Variants in MBD2 observed in about 807,000 individuals in gnomAD.
MBD2 encodes the protein methyl-CpG binding domain protein 2.
Under a neutral mutation model 39.3 loss-of-function variants are expected in MBD2, and 9 were observed. The ratio of observed to expected loss-of-function variants is 0.23; its 90% CI spans 0.14 to 0.40. The LOEUF is 0.40. Ranked by LOEUF, MBD2 falls within the 10% of genes least tolerant of loss-of-function variation. The probability of loss-of-function intolerance (pLI) is 1.00; values close to 1 mark genes in which losing one functional copy is unlikely to be tolerated. For synonymous variants in MBD2, 233 were observed against 211.1 expected (o/e 1.10, Z -0.90); for missense variants, 458 against 532.6 (o/e 0.86, Z 1.38).
intron 3 of MBD2, among the ~76,000 whole-genome samples, chr18:54,180,856 G>A (rs1230777330): frequency 6.7e-6 from 1 of 148,856 alleles, no homozygotes; most frequent in Non-Finnish European, 1.5e-5. Flanking sequence ...CACAATTATT[G>A]GTAACTATGA....
intron 2 of MBD2, chr18:54,202,696 T>A: frequency 8.6e-7 from 1 of 1,165,454 alleles, no homozygotes; most frequent in Non-Finnish European, 1.1e-6. Flanking sequence ...ACGGTATAAT[T>A]TATTTATTTA....
At chr18:54,165,212 G>T (rs2086122788) in intron 4 of MBD2, among the ~76,000 whole-genome samples, 1 of 152,110 alleles carries the variant, frequency 6.6e-6, no homozygotes, top group Non-Finnish European at 1.5e-5. Flanking sequence ...AGGATTCAAA[G>T]AAAAAGCCAA....
At chr18:54,174,045 A>C (rs530160800) in intron 3 of MBD2, among the ~76,000 whole-genome samples, 1 of 152,342 alleles carries the variant, frequency 6.6e-6, no homozygotes, top group East Asian at 1.9e-4. Flanking sequence ...GCAATGAATC[A>C]AAAAAGGCAA....
At chr18:54,217,830 T>TG in intron 1 of MBD2, among the ~76,000 whole-genome samples, 1 of 152,336 alleles carries the variant, frequency 6.6e-6, no homozygotes, top group South Asian at 2.1e-4. Flanking sequence ...TTGTGGGTGT[T>TG]GCGGCAGGTG....
At chr18:54,183,221 A>G (rs113374463) in intron 3 of MBD2, among the ~76,000 whole-genome samples, 4,435 of 152,330 alleles carry the variant, frequency 0.029, 212 homozygotes, top group African/African-American at 0.099. Context: ...ACAGGTGCTG[A>G]TGAGACTTCC....
intron 2 of MBD2, among the ~76,000 whole-genome samples, chr18:54,196,072 T>C (rs1426332631): frequency 1.3e-5 from 2 of 152,224 alleles, no homozygotes; most frequent in African/African-American, 4.8e-5. Flanking sequence ...ATAATTCACA[T>C]ACCACAAAAC....
At chr18:54,188,107 A>C (rs1310200427) in intron 3 of MBD2, among the ~76,000 whole-genome samples, 1 of 152,110 alleles carries the variant, frequency 6.6e-6, no homozygotes, top group East Asian at 1.9e-4. Flanking sequence ...AAAGGAGAGA[A>C]AAAAAAACGC....
At chr18:54,189,475 GC>G in intron 2 of MBD2, among the ~76,000 whole-genome samples, 1 of 152,150 alleles carries the variant, frequency 6.6e-6, no homozygotes, top group Non-Finnish European at 1.5e-5. Context: ...ACCCGCCTCG[GC>G]CTCCCAAAGT....
At chr18:54,164,291 G>A (rs2086115348) in intron 5 of MBD2, among the ~76,000 whole-genome samples, 1 of 152,132 alleles carries the variant, frequency 6.6e-6, no homozygotes, top group Admixed American at 6.5e-5. Context: ...CTTTGGACAG[G>A]ACCATGACGA....
At chr18:54,181,571 C>T (rs950590817) in intron 3 of MBD2, among the ~76,000 whole-genome samples, 13 of 152,126 alleles carry the variant, frequency 8.5e-5, no homozygotes, top group African/African-American at 3.1e-4. Context: ...GCGATCTCGG[C>T]TCACTACAAC....
Position 54,224,095 on chromosome 18 carries a change from GA to G in MBD2, c.464del (p.Leu155ProfsTer10). ...ESGKRMDCPALPPGWKKEEVI... is the reference protein window; with the variant it reads ...ESGKRMDCPAXPPGWKKEEVI... ...CTTCCTCCTTCTTCCATCCGGGGGG[GA>G]GGGCCGGGCAATCCATCCTCTTCCC... On this transcript the variant is annotated frameshift_variant, in exon 1 of 7. Transcript: ENST00000256429. LOFTEE classifies it high-confidence loss of function. The G allele has an allele frequency of 1.3e-6, 2 of 1,594,642 alleles. No homozygotes were observed. The highest frequency in any genetic ancestry group is 8.5e-7 in the Non-Finnish European group (1 of 1,174,252).
chr18:54,154,833 A>G lies in MBD2; in HGVS notation c.*491T>C, dbSNP rs1448635962. ...GTGCTTTTCAACAGAAAGAATTCCA[A>G]TCAGTCTGTGAATATAATCATTTAT... is the stretch of plus-strand genomic sequence containing the variant. On this transcript the variant is annotated 3_prime_UTR_variant, in exon 7 of 7. Coordinates refer to ENST00000256429, the MANE Select transcript of MBD2 (RefSeq NM_003927.5). 2.0e-5 allele frequency: 3 copies of G among 152,680 alleles called. No homozygotes were observed. Among genetic ancestry groups the G allele is most frequent in the Non-Finnish European group, 4.4e-5 (3 of 68,040 alleles). 9.5% of individuals were successfully genotyped at this position (152,680 alleles called of 1,614,324 possible).
In MBD2 at chr18:54,153,070, A is replaced by G. The variant is rs140583776; in HGVS notation, c.*2254T>C. 1 of 152,454 alleles carries G rather than the reference A, an allele frequency of 6.6e-6. No individual in the cohort carries two copies. The highest frequency in any genetic ancestry group is 1.9e-4 in the East Asian group (1 of 5,176). The allele number at this position is 152,454 out of a possible 1,614,324, so 9.4% of individuals were successfully genotyped here. On this transcript the variant is annotated 3_prime_UTR_variant, in exon 7 of 7. Transcript: ENST00000256429. ...AGGGATGGAGAGAGGGAAGGGGAAG[A>G]AAGTGGACAGGTGAGCAAAAAAGGA... is the stretch of plus-strand genomic sequence containing the variant.
Position 54,172,854 on chromosome 18 carries a change from G to A in MBD2, c.841-6688C>T, listed in dbSNP as rs565650433. Among the ~76,000 whole-genome samples, 2 of 152,162 alleles carry A rather than the reference G, an allele frequency of 1.3e-5. 1 individual carries two copies. Among genetic ancestry groups the A allele is most frequent in the African/African-American group, 4.8e-5 (2 of 41,506 alleles). On this transcript the variant is annotated intron_variant, in intron 3 of 6. Transcript: ENST00000256429. ...CTAAATATCGGTTTCATACTATATC[G>A]AATGGGACAATATAAGCAATCTCAA...
At chr18:54,204,163 CT>C (rs767805365) in intron 2 of MBD2, among the ~76,000 whole-genome samples, 14 of 152,202 alleles carry the variant, frequency 9.2e-5, no homozygotes, top group Non-Finnish European at 1.6e-4. Flanking sequence ...AAGAGAGCCC[CT>C]ACTTCTCCCT....
In MBD2 at chr18:54,180,897, C is replaced by CTTTTTTTTTTTT. The variant is rs1211071727; in HGVS notation, c.840+7976_840+7977insAAAAAAAAAAAA. 1.7e-3 allele frequency among the ~76,000 whole-genome samples: 175 copies of CTTTTTTTTTTTT among 105,368 alleles called. 12 individuals carry two copies. The highest frequency in any genetic ancestry group is 3.0e-3 in the South Asian group (10 of 3,322). The allele number at this position is 105,368 out of a possible 152,430, so 69.1% of individuals were successfully genotyped here. ...CAGCCTATGTATTCCTTAATTTTTT[C>CTTTTTTTTTTTT]TTTTTCTTTTTTTTTTTTTTTTTTT... On this transcript the variant is annotated intron_variant, in intron 3 of 6. Coordinates refer to ENST00000256429, the MANE Select transcript of MBD2 (RefSeq NM_003927.5).
Position 54,167,686 on chromosome 18 carries a change from G to A in MBD2, c.841-1520C>T, listed in dbSNP as rs564553914. ...ATGCTGAATTTGTAATAAGCACAAC[G>A]CTAGCACCAAGGAAGGCCTTTGGTA... On this transcript the variant is annotated intron_variant, in intron 3 of 6. Transcript: ENST00000256429. Among the ~76,000 whole-genome samples, 24 of 152,216 alleles carry A rather than the reference G, an allele frequency of 1.6e-4. No homozygotes were observed. In the South Asian group the frequency reaches 5.0e-3, roughly 32 times the overall value.
Position 54,159,856 on chromosome 18 carries a change from G to A in MBD2, c.1157C>T (p.Ala386Val). 1 of 1,612,812 alleles carries A rather than the reference G, an allele frequency of 6.2e-7. No homozygotes were observed. The change falls in exon 6 of 7, where the codon GCA (alanine) becomes GTA (valine). Residue 386 changes from alanine to valine, a missense_variant. Ala to Val is a moderately conservative substitution (Grantham distance 64, BLOSUM62 0). Coordinates refer to ENST00000256429, the MANE Select transcript of MBD2 (RefSeq NM_003927.5). ...TCGCGACAAGATGTCTGCCATCAGT[G>A]CTTCTTCCAATTTCTTGCGTACTTG... ...VQQVRKKLEE[A>V]LMADILSRAA...
At position 54,153,843 on chromosome 18, in the gene MBD2, A is replaced by G. The variant is rs527515238; in HGVS notation, c.*1481T>C. 3 of 152,356 alleles carry G rather than the reference A, an allele frequency of 2.0e-5. No individual in the cohort carries two copies. The highest frequency in any genetic ancestry group is 7.2e-5 in the African/African-American group (3 of 41,586). The allele number at this position is 152,356 out of a possible 1,614,324, so 9.4% of individuals were successfully genotyped here. A position where few individuals can be genotyped will look rare whatever the true frequency, so the allele number is the denominator to read the frequency against. ...AATGGCCCTAGGGTCCAGGGATCAA[A>G]GTTGAGCGTAAATCAGGAATTCCAA... On this transcript the variant is annotated 3_prime_UTR_variant, in exon 7 of 7. Coordinates refer to ENST00000256429, the MANE Select transcript of MBD2 (RefSeq NM_003927.5).
Sources: gnomAD v4.1 joint callset for allele counts (sites outside exome capture counted in the v4.1 genomes callset) on GRCh38, gnomAD v4.1.1 for gene constraint, MANE v1.5 for transcripts, NCBI Gene and HGNC (gene_info 2026-07-23, HGNC 2026-07-21) for gene names.